Variants in CSMD1 observed in about 807,000 individuals in gnomAD.
CSMD1 encodes the protein CUB and Sushi multiple domains 1.
CSMD1 carries 213 observed loss-of-function variants against 417.5 expected under a neutral mutation model. The observed-to-expected ratio is 0.51, with a 90% CI of 0.46 to 0.57. The LOEUF is 0.57. Among genes scored for constraint, CSMD1 ranks in the 20% least tolerant of loss-of-function variants. The probability of loss-of-function intolerance (pLI) is 0.00; values close to 1 mark genes in which losing one functional copy is unlikely to be tolerated. For synonymous variants in CSMD1, 2,862 were observed against 1,736.8 expected (o/e 1.65, Z -16.11); for missense variants, 6,923 against 4,529.7 (o/e 1.53, Z -15.17).
intron 2 of CSMD1, among the ~76,000 whole-genome samples, chr8:4,560,583 G>A (rs562835321): frequency 5.8e-4 from 88 of 152,296 alleles, no homozygotes; most frequent in Middle Eastern, 3.4e-3. Context: ...GTGCTGGAGC[G>A]GTATGGCAGA....
At chr8:3,400,564 G>A (rs191873148) in intron 15 of CSMD1, among the ~76,000 whole-genome samples, 2 of 152,052 alleles carry the variant, frequency 1.3e-5, no homozygotes, top group East Asian at 3.9e-4. Context: ...AAAAATTTAT[G>A]GAAACTGCAT....
chr8:4,203,457 T>G (rs548364730), intron 3 of CSMD1, among the ~76,000 whole-genome samples: 1 of 152,200 alleles, frequency 6.6e-6, no homozygotes, highest in Admixed American at 6.5e-5. Context: ...CAATGTGCTT[T>G]TCTTCTTTCT....
chr8:4,525,645 T>G (rs887464127), intron 2 of CSMD1, among the ~76,000 whole-genome samples: 2 of 152,106 alleles, frequency 1.3e-5, no homozygotes, highest in African/African-American at 4.8e-5. Context: ...GTCATTACTT[T>G]TAAATGCCAC....
intron 5 of CSMD1, among the ~76,000 whole-genome samples, chr8:3,770,456 G>A (rs1423129312): frequency 6.6e-6 from 1 of 152,110 alleles, no homozygotes; most frequent in Non-Finnish European, 1.5e-5. Flanking sequence ...TTGAACCCAA[G>A]AGGCAGAGAT....
intron 2 of CSMD1, among the ~76,000 whole-genome samples, chr8:4,434,721 T>C (rs959067520): frequency 1.3e-5 from 2 of 152,154 alleles, no homozygotes; most frequent in African/African-American, 4.8e-5. Flanking sequence ...CCCCTGACAG[T>C]GCTCATCCGG....
intron 23 of CSMD1, among the ~76,000 whole-genome samples, chr8:3,324,592 G>A (rs200207436): frequency 0.035 from 4,998 of 141,410 alleles, 192 homozygotes; most frequent in East Asian, 0.15. Flanking sequence ...GGACCCAGGA[G>A]TGGGAGTTTC....
At chr8:3,428,590 G>A (rs564513870) in intron 12 of CSMD1, among the ~76,000 whole-genome samples, 9 of 152,300 alleles carry the variant, frequency 5.9e-5, no homozygotes, top group African/African-American at 2.2e-4. Flanking sequence ...CTGTGTGTAA[G>A]AGTTCACCGT....
chr8:4,166,809 G>A (rs891113616), intron 3 of CSMD1, among the ~76,000 whole-genome samples: 17 of 152,156 alleles, frequency 1.1e-4, no homozygotes, highest in African/African-American at 4.1e-4. Flanking sequence ...TGTTTAATGA[G>A]ACAATATTTT....
intron 3 of CSMD1, among the ~76,000 whole-genome samples, chr8:4,143,926 G>A (rs938930842): frequency 2.6e-5 from 4 of 151,184 alleles, no homozygotes; most frequent in Admixed American, 2.0e-4. Flanking sequence ...GAATTGGCCC[G>A]TGTTGCAGAT....
chr8:3,183,651 G>T (rs916959252), intron 36 of CSMD1, among the ~76,000 whole-genome samples: 32 of 151,444 alleles, frequency 2.1e-4, no homozygotes, highest in Admixed American at 6.6e-5. Flanking sequence ...CCGACGTCAC[G>T]AACTGAACGC....
At chr8:3,288,890 TATGTATAC>T (rs1474812852) in intron 25 of CSMD1, among the ~76,000 whole-genome samples, 1 of 147,086 alleles carries the variant, frequency 6.8e-6, no homozygotes, top group Non-Finnish European at 1.5e-5. Context: ...GTTTGTTGCA[TATGTATAC>T]ATGTGCCATG....
At chr8:3,309,258 T>A (rs984773940) in intron 23 of CSMD1, among the ~76,000 whole-genome samples, 2 of 152,058 alleles carry the variant, frequency 1.3e-5, no homozygotes, top group African/African-American at 2.4e-5. Context: ...TCCAGCCCAT[T>A]GTCAAGACCC....
chr8:3,329,746 G>A (rs997838897), intron 23 of CSMD1, among the ~76,000 whole-genome samples: 2 of 152,150 alleles, frequency 1.3e-5, no homozygotes, highest in Non-Finnish European at 2.9e-5. Flanking sequence ...GTGAGCAGAG[G>A]CCATGCCATC....
At chr8:4,377,170 G>A (rs978220001) in intron 3 of CSMD1, among the ~76,000 whole-genome samples, 3 of 152,074 alleles carry the variant, frequency 2.0e-5, no homozygotes, top group African/African-American at 7.2e-5. Flanking sequence ...TGGGATTATA[G>A]TGCATGGAAT....
In CSMD1 at chr8:3,396,401, A is replaced by T. The variant is rs780071844; in HGVS notation, c.2406-20T>A. 2.3e-5 allele frequency: 35 copies of T among 1,518,612 alleles called. No individual in the cohort carries two copies. In the South Asian group the frequency reaches 4.4e-4, roughly 19 times the overall value. 94.1% of individuals were successfully genotyped at this position (1,518,612 alleles called of 1,614,324 possible). ...TGAAATCTGCAAATATATACATCCC[A>T]TCAGAAAAGACATGCAGAACTGCCA... On this transcript the variant is annotated intron_variant, in intron 16 of 69. Coordinates refer to ENST00000635120, the MANE Select transcript of CSMD1 (RefSeq NM_033225.6).
At chr8:3,463,087 G>C (rs1816609767) in intron 12 of CSMD1, among the ~76,000 whole-genome samples, 5 of 152,194 alleles carry the variant, frequency 3.3e-5, no homozygotes, top group Admixed American at 2.6e-4. Context: ...GGACTTCCCA[G>C]AACTGTGAGA....
At chr8:3,087,718 T>G (rs553118272) in intron 48 of CSMD1, among the ~76,000 whole-genome samples, 2 of 152,336 alleles carry the variant, frequency 1.3e-5, no homozygotes, top group African/African-American at 4.8e-5. Flanking sequence ...GCATTCAAAG[T>G]CATCCTGCGC....
At chr8:3,626,761 G>A (rs543644945) in intron 7 of CSMD1, among the ~76,000 whole-genome samples, 98 of 150,380 alleles carry the variant, frequency 6.5e-4, no homozygotes, top group African/African-American at 2.3e-3. Context: ...TATTACCTAT[G>A]TATTCAGAAT....
At chr8:4,320,708 T>C (rs540455045) in intron 3 of CSMD1, among the ~76,000 whole-genome samples, 1 of 152,294 alleles carries the variant, frequency 6.6e-6, no homozygotes, top group East Asian at 1.9e-4. Flanking sequence ...TATGGCTGCA[T>C]AGTATTCCAT....
Sources: allele counts gnomAD v4.1 joint callset (sites outside exome capture counted in the v4.1 genomes callset), GRCh38; gene constraint gnomAD v4.1.1; transcripts MANE v1.5; gene names NCBI Gene and HGNC (gene_info 2026-07-23, HGNC 2026-07-21).